Variants in KLF8 observed in about 807,000 individuals in gnomAD.
The protein encoded by KLF8 is Krueppel-like factor 8.
KLF8 carries 10 observed loss-of-function variants against 18.2 expected under a neutral mutation model. That is an observed-to-expected ratio of 0.55 (90% CI 0.34 to 0.93). The LOEUF (loss-of-function observed/expected upper bound fraction) is 0.93, where lower values mean the gene tolerates loss of function less well. Ranked by LOEUF, KLF8 falls within the 40% of genes least tolerant of loss-of-function variation. KLF8 has a pLI of 0.02. For synonymous variants in KLF8, 109 were observed against 97.3 expected, an observed-to-expected ratio of 1.12 and a Z score of -0.71; for missense variants, 264 against 277.9, an observed-to-expected ratio of 0.95 and a Z score of 0.36.
chrX:55,967,875 A>T, the KLF8 span, among the ~76,000 whole-genome samples: 2 of 111,824 alleles, frequency 1.8e-5, no homozygotes, highest in African/African-American at 6.5e-5. Context: ...AAAAGTGGGG[A>T]GATGAAGTTA....
At chrX:56,251,412 T>G (rs1018539015) in intron 2 of KLF8, among the ~76,000 whole-genome samples, 1 of 112,401 alleles carries the variant, frequency 8.9e-6, no homozygotes, top group Non-Finnish European at 1.9e-5. Context: ...AATCTTTTTG[T>G]TATAATTTCA....
the KLF8 span, among the ~76,000 whole-genome samples, chrX:56,058,305 T>TAC: frequency 1.3e-5 from 1 of 76,060 alleles, no homozygotes; most frequent in Non-Finnish European, 2.6e-5. Flanking sequence ...TATATATATA[T>TAC]ATATATATAT....
At chrX:56,233,389 TA>T (rs1294206198) in intron 1 of KLF8, 48 bp downstream of exon 1, 1 of 963,435 alleles carries the variant, frequency 1.0e-6, no homozygotes, top group Non-Finnish European at 1.5e-6. Flanking sequence ...CTCTTTCGTC[TA>T]GATTCTATCC....
chrX:55,992,685 T>C, the KLF8 span, among the ~76,000 whole-genome samples: 3 of 112,349 alleles, frequency 2.7e-5, no homozygotes, highest in Non-Finnish European at 5.6e-5. Context: ...AAATTGCTTT[T>C]TGGAATATGG....
At chrX:56,147,415 T>A in the KLF8 span, among the ~76,000 whole-genome samples, 2 of 111,274 alleles carry the variant, frequency 1.8e-5, no homozygotes, top group African/African-American at 3.3e-5. Context: ...TCTTATATAT[T>A]TTAGAATAAA....
chrX:56,198,363 T>A, the KLF8 span, among the ~76,000 whole-genome samples: 1 of 112,216 alleles, frequency 8.9e-6, no homozygotes, highest in Non-Finnish European at 1.9e-5. Flanking sequence ...CAAAATCTCC[T>A]TTAGCTGATA....
chrX:56,236,222 A>G (rs976769066), intron 1 of KLF8, among the ~76,000 whole-genome samples: 3 of 111,877 alleles, frequency 2.7e-5, no homozygotes, highest in African/African-American at 9.7e-5. Context: ...TCCTCATTCA[A>G]GACTCTTCCT....
chrX:56,153,918 G>A, the KLF8 span, among the ~76,000 whole-genome samples: 4 of 111,156 alleles, frequency 3.6e-5, no homozygotes, highest in East Asian at 2.8e-4. Flanking sequence ...CCACTGCTCA[G>A]TGAAATAAAA....
At chrX:56,168,065 A>AT in the KLF8 span, among the ~76,000 whole-genome samples, 2 of 111,637 alleles carry the variant, frequency 1.8e-5, no homozygotes, top group Non-Finnish European at 3.8e-5. Flanking sequence ...AAAGAACACA[A>AT]TTTTTTCCAA....
At chrX:56,103,916 C>G in the KLF8 span, among the ~76,000 whole-genome samples, 5 of 110,826 alleles carry the variant, frequency 4.5e-5, no homozygotes, top group Non-Finnish European at 9.5e-5. Flanking sequence ...GAGTTTTTAG[C>G]ATGAAGGGCT....
rs997456717 is a variant in KLF8 at position 56,268,852 on chromosome X, G to A, written c.647-526G>A. The stretch of plus-strand genomic sequence containing the variant: ...CCCAACATAGGTGGAAAGGAAGGTT[G>A]TATCAAGCACCTACTAGGTGGTAGG... On this transcript the variant is annotated intron_variant, in intron 3 of 5. Coordinates refer to ENST00000468660, the MANE Select transcript of KLF8 (RefSeq NM_007250.5). 1.4e-5 allele frequency: 12 copies of A among 856,276 alleles called. No homozygotes were observed. The African/African-American group carries it at 2.2e-4, about 16-fold the overall frequency. 70.6% of individuals were successfully genotyped at this position (856,276 alleles called of 1,213,427 possible). A position where few individuals can be genotyped will look rare whatever the true frequency, so the allele number is the denominator to read the frequency against.
At chrX:56,063,382 T>C in the KLF8 span, among the ~76,000 whole-genome samples, 1 of 112,192 alleles carries the variant, frequency 8.9e-6, no homozygotes, top group East Asian at 2.8e-4. Context: ...ATGTTGATGC[T>C]ATTCCTTTCT....
the KLF8 span, among the ~76,000 whole-genome samples, chrX:56,217,231 C>T: frequency 0.078 from 8,605 of 110,624 alleles, 826 homozygotes; most frequent in African/African-American, 0.27. Context: ...TGAGCCACAT[C>T]TTGGTAATGC....
the KLF8 span, among the ~76,000 whole-genome samples, chrX:56,008,914 G>A: frequency 5.9e-4 from 66 of 112,202 alleles, no homozygotes; most frequent in African/African-American, 1.6e-3. Context: ...ACTCCAGCCA[G>A]GGTTTTGCAG....
the KLF8 span, among the ~76,000 whole-genome samples, chrX:56,023,405 G>C: frequency 8.9e-6 from 1 of 111,837 alleles, no homozygotes; most frequent in Non-Finnish European, 1.9e-5. Context: ...ATCCAACCAC[G>C]TGCTTTCTAT....
At chrX:56,165,055 A>G in the KLF8 span, among the ~76,000 whole-genome samples, 2 of 103,144 alleles carry the variant, frequency 1.9e-5, no homozygotes, top group Non-Finnish European at 4.0e-5. Context: ...TTCCAATTTC[A>G]TCCATGTCCC....
the KLF8 span, among the ~76,000 whole-genome samples, chrX:56,139,579 C>A: frequency 9.0e-6 from 1 of 111,141 alleles, no homozygotes; most frequent in Non-Finnish European, 1.9e-5. Context: ...ATAAATGGTG[C>A]TGTGATTGAA....
chrX:56,253,778 T>G (rs1317148435), intron 2 of KLF8, among the ~76,000 whole-genome samples: 2 of 97,977 alleles, frequency 2.0e-5, no homozygotes, highest in Non-Finnish European at 4.1e-5. Context: ...TTTTTTTTTT[T>G]GAGATGTTGT....
chrX:56,248,657 A>G (rs1444079936), intron 1 of KLF8, among the ~76,000 whole-genome samples: 1 of 111,647 alleles, frequency 9.0e-6, no homozygotes, highest in African/African-American at 3.3e-5. Flanking sequence ...TTCTGGCAGC[A>G]ACAAAGAAAG....
Sources: allele counts gnomAD v4.1 joint callset (sites outside exome capture counted in the v4.1 genomes callset), GRCh38; gene constraint gnomAD v4.1.1; transcripts MANE v1.5; gene names NCBI Gene and HGNC (gene_info 2026-07-23, HGNC 2026-07-21).